Variants in AMZ1 observed in about 807,000 individuals in gnomAD.
AMZ1 encodes the protein archaelysin family metallopeptidase 1.
A neutral mutation model predicts 29.9 loss-of-function variants in AMZ1; 39 were observed. That is an observed-to-expected ratio of 1.30 (90% CI 1.01 to 1.70). The LOEUF is 1.70. Ranked by LOEUF, AMZ1 falls within the 40% of genes most tolerant of loss-of-function variation. The pLI, the probability that AMZ1 is intolerant of heterozygous loss-of-function variation, is 0.00. For missense variants in AMZ1, 1,041 were observed against 680.6 expected (o/e 1.53, Z -5.89); for synonymous variants, 458 against 304.0 (o/e 1.51, Z -5.27).
rs963588880 is a variant in AMZ1 at position 2,708,570 on chromosome 7, C to G, written c.473-18C>G. The G allele has an allele frequency of 1.9e-6, 3 of 1,611,342 alleles. No homozygotes were observed. Among genetic ancestry groups the G allele is most frequent in the African/African-American group, 1.3e-5 (1 of 75,036 alleles). ...CCCGGCTGCCTCCTGACCCCATCCT[C>G]TGGCCCTCTCCCCGCAGACGGCATC... On this transcript the variant is annotated intron_variant, in intron 3 of 6. Transcript: ENST00000683327.
chr7:2,726,286 G>A (rs1023984853), intron 4 of AMZ1, among the ~76,000 whole-genome samples: 4 of 152,196 alleles, frequency 2.6e-5, no homozygotes, highest in Non-Finnish European at 4.4e-5. Flanking sequence ...AGAAGACCTT[G>A]GTGGCACGTT....
At chr7:2,690,079 G>C (rs1445406207) in intron 1 of AMZ1, among the ~76,000 whole-genome samples, 1 of 152,198 alleles carries the variant, frequency 6.6e-6, no homozygotes, top group African/African-American at 2.4e-5. Flanking sequence ...CAGACGTCAT[G>C]CCCTGGATGC....
At chr7:2,704,359 G>A (rs1788228333) in intron 3 of AMZ1, among the ~76,000 whole-genome samples, 1 of 152,030 alleles carries the variant, frequency 6.6e-6, no homozygotes, top group Non-Finnish European at 1.5e-5. Context: ...AAAAATAGCT[G>A]GCAGTGGTGG....
chr7:2,731,270 C>A lies in AMZ1; in HGVS notation n.550+21454C>A, dbSNP rs1262468448. 1 of 1,613,432 alleles carries A rather than the reference C, an allele frequency of 6.2e-7. No homozygotes were observed. Among genetic ancestry groups the A allele is most frequent in the Admixed American group, 1.7e-5 (1 of 59,952 alleles). ...AAGCGGACGTTCTCGGTGTCGATGG[C>A]GGTGGTGAAGTGGTGGAAGAGTGGC... On this transcript the variant is annotated intron_variant and non_coding_transcript_variant, in intron 4 of 4. Coordinates refer to the AMZ1 transcript ENST00000489665. The surrounding 1 kb of genome is among the most constrained non-coding windows in gnomAD (Gnocchi z 6.0).
At chr7:2,726,203 C>A (rs1405369650) in intron 4 of AMZ1, among the ~76,000 whole-genome samples, 2 of 152,228 alleles carry the variant, frequency 1.3e-5, no homozygotes, top group Non-Finnish European at 2.9e-5. Flanking sequence ...GCAAGGATTT[C>A]ATCTCTGCCC....
At chr7:2,763,144 C>A, upstream of AMZ1, 1 of 1,196,348 alleles carries the variant, frequency 8.4e-7, no homozygotes, top group Non-Finnish European at 1.0e-6. Context: ...AAGCATTTCT[C>A]GAATATTCTG....
At chr7:2,756,610 C>G (rs1037839561) in intron 4 of AMZ1, among the ~76,000 whole-genome samples, 3 of 151,768 alleles carry the variant, frequency 2.0e-5, no homozygotes, top group African/African-American at 7.3e-5. Flanking sequence ...CTGTCTCAAA[C>G]AAACAAACAA....
chr7:2,704,587 G>GTT (rs1788241450), intron 3 of AMZ1, among the ~76,000 whole-genome samples: 3 of 108,448 alleles, frequency 2.8e-5, no homozygotes, highest in African/African-American at 1.2e-4. Flanking sequence ...GCAGTGTCAC[G>GTT]CTTTTTTTTT....
intron 6 of AMZ1, among the ~76,000 whole-genome samples, chr7:2,710,518 G>A (rs77726604): frequency 0.017 from 2,665 of 152,292 alleles, 62 homozygotes; most frequent in African/African-American, 0.062. Context: ...AAGTGGGGGT[G>A]TGGTTCCCGG....
Position 2,714,684 on chromosome 7 carries a change from G to C in AMZ1, c.*1806G>C, listed in dbSNP as rs770160367. On this transcript the variant is annotated 3_prime_UTR_variant, in exon 7 of 7. Transcript: ENST00000683327. The stretch of plus-strand genomic sequence containing the variant: ...ATCTGTAACTTGGGCAGAGCTCGGT[G>C]GAGACGGTTTGCCCCTGTGGCTCGA... 6.6e-6 allele frequency: 1 copy of C among 152,204 alleles called. No homozygotes were observed. Among genetic ancestry groups the C allele is most frequent in the Non-Finnish European group, 1.5e-5 (1 of 68,032 alleles). 9.4% of individuals were successfully genotyped at this position (152,204 alleles called of 1,614,324 possible).
intron 1 of AMZ1, chr7:2,679,723 A>T (rs1019660435): frequency 2.0e-5 from 3 of 152,480 alleles, no homozygotes; most frequent in Non-Finnish European, 4.4e-5. Flanking sequence ...GGGAAGAGGC[A>T]GCTGTGGGGC....
intron 3 of AMZ1, among the ~76,000 whole-genome samples, chr7:2,706,181 T>C (rs567546477): frequency 1.3e-5 from 2 of 152,168 alleles, no homozygotes; most frequent in Admixed American, 6.5e-5. Context: ...GCCTGGTTTT[T>C]AATTTTTTTT....
chr7:2,696,014 A>G (rs75794608), intron 1 of AMZ1, among the ~76,000 whole-genome samples: 12,833 of 72,324 alleles, frequency 0.18, 848 homozygotes, highest in East Asian at 0.5. Context: ...CTTGGGGGGG[A>G]AAAAAAAAAA....
chr7:2,694,914 C>T (rs1562359658), intron 1 of AMZ1, among the ~76,000 whole-genome samples: 1 of 152,136 alleles, frequency 6.6e-6, no homozygotes, highest in Admixed American at 6.5e-5. Flanking sequence ...CTCGAGTGAT[C>T]CGCCTGCCTC....
chr7:2,747,502 G>T (rs984796275), intron 4 of AMZ1, among the ~76,000 whole-genome samples: 1 of 152,084 alleles, frequency 6.6e-6, no homozygotes, highest in African/African-American at 2.4e-5. Flanking sequence ...AACAAATTAG[G>T]TATTGATGGG....
intron 5 of AMZ1, 98 bp downstream of exon 5, chr7:2,709,342 G>A (rs1367441515): frequency 7.9e-7 from 1 of 1,263,568 alleles, no homozygotes; most frequent in East Asian, 2.6e-5. Flanking sequence ...TCACAGTGAA[G>A]TGGATGGACC....
At chr7:2,684,010 T>C (rs1786981153), upstream of AMZ1, among the ~76,000 whole-genome samples, 2 of 151,810 alleles carry the variant, frequency 1.3e-5, no homozygotes, top group South Asian at 4.2e-4. Flanking sequence ...AAACCCCATC[T>C]CTACTAAAAA....
intron 6 of AMZ1, 94 bp downstream of exon 6, chr7:2,709,910 A>C (rs1219677288): frequency 5.3e-6 from 8 of 1,517,620 alleles, no homozygotes; most frequent in Non-Finnish European, 7.1e-6. Context: ...TGGGGACCGC[A>C]CACAGGCTTT....
At chr7:2,711,385 C>G (rs1361643238) in intron 6 of AMZ1, among the ~76,000 whole-genome samples, 1 of 152,206 alleles carries the variant, frequency 6.6e-6, no homozygotes, top group Non-Finnish European at 1.5e-5. Flanking sequence ...CTGCCACTTC[C>G]TGTGGTGTAA....
Sources: allele counts gnomAD v4.1 joint callset (sites outside exome capture counted in the v4.1 genomes callset), GRCh38; gene constraint gnomAD v4.1.1; non-coding constraint Gnocchi (gnomAD v3.1); transcripts MANE v1.5; gene names NCBI Gene and HGNC (gene_info 2026-07-23, HGNC 2026-07-21).